SCARB2: variants seen among roughly 807,000 people sequenced by gnomAD.
SCARB2 encodes the protein lysosome membrane protein 2.
A neutral mutation model predicts 58.6 loss-of-function variants in SCARB2; 29 were observed. The ratio of observed to expected loss-of-function variants is 0.49; its 90% CI spans 0.37 to 0.67. The LOEUF is 0.67. Among genes scored for constraint, SCARB2 ranks in the 30% least tolerant of loss-of-function variants. The pLI, the probability that SCARB2 is intolerant of heterozygous loss-of-function variation, is 0.00. For synonymous variants in SCARB2, 195 were observed against 210.1 expected, an observed-to-expected ratio of 0.93 and a Z score of 0.62; for missense variants, 488 against 578.5, an observed-to-expected ratio of 0.84 and a Z score of 1.60.
At chr4:76,223,798 C>T (rs1733348927) in intron 1 of SCARB2, among the ~76,000 whole-genome samples, 1 of 152,154 alleles carries the variant, frequency 6.6e-6, no homozygotes, top group Admixed American at 6.5e-5. Flanking sequence ...TTTGGACTCT[C>T]CACTCTCCAC....
In SCARB2 at chr4:76,189,947, G is replaced by A. The variant is rs150005111; in HGVS notation, c.275+5760C>T. 6.4e-3 allele frequency among the ~76,000 whole-genome samples: 972 copies of A among 151,754 alleles called. 9 individuals are homozygous for A. The highest frequency in any genetic ancestry group is 0.022 in the African/African-American group (919 of 41,372). On this transcript the variant is annotated intron_variant, in intron 2 of 11. Coordinates refer to ENST00000264896, the MANE Select transcript of SCARB2 (RefSeq NM_005506.4). ...ATTCAAGCTGAGATTTGGCTGGTGG[G>A]GACACAACCAAACCACATCAACATA... is the stretch of plus-strand genomic sequence containing the variant.
chr4:76,218,710 A>G (rs1217235094), upstream of SCARB2, among the ~76,000 whole-genome samples: 1 of 152,238 alleles, frequency 6.6e-6, no homozygotes. Context: ...AGGAGGAGAT[A>G]TCCTATTCAC....
exon 1 of SCARB2, chr4:76,234,508 T>C (rs1447807153): frequency 6.6e-6 from 1 of 152,182 alleles, no homozygotes; most frequent in Non-Finnish European, 1.5e-5. Context: ...GAATGCTTCC[T>C]GCTTTACGGT....
At chr4:76,219,685 G>A (rs1354005498) in intron 1 of SCARB2, among the ~76,000 whole-genome samples, 1 of 152,102 alleles carries the variant, frequency 6.6e-6, no homozygotes, top group South Asian at 2.1e-4. Flanking sequence ...TCAGCCTGGA[G>A]TGGTGGGGAG....
Position 76,174,139 on chromosome 4 carries a change from C to A in SCARB2, c.994+5G>T, listed in dbSNP as rs950616504. 2 of 1,613,428 alleles carry A rather than the reference C, an allele frequency of 1.2e-6. No homozygotes were observed. The highest frequency in any genetic ancestry group is 1.7e-6 in the Non-Finnish European group (2 of 1,180,022). Reference sequence around the variant, plus strand: ...CCCTATCATGTCCCCTCTCTGAGTTCTTACCATTCTTGCAGATGCTGACAT... The same window carrying A: ...CCCTATCATGTCCCCTCTCTGAGTTATTACCATTCTTGCAGATGCTGACAT... On this transcript the variant is annotated splice_donor_5th_base_variant and intron_variant, in intron 7 of 11. Transcript: ENST00000264896.
In SCARB2 at chr4:76,176,069, A is replaced by G. The variant is rs1402458019; in HGVS notation, c.705-159T>C. Reference sequence around the variant, plus strand: ...TTTTAATTAGATCAAGGGGGAGAAAAAGTAGGTCCCTGGCCCAAATCAGCT... The same window carrying G: ...TTTTAATTAGATCAAGGGGGAGAAAGAGTAGGTCCCTGGCCCAAATCAGCT... On this transcript the variant is annotated intron_variant, in intron 5 of 11. Transcript: ENST00000264896. The G allele has an allele frequency of 6.5e-5, 59 of 904,518 alleles. No individual in the cohort carries two copies. In the Admixed American group the frequency reaches 1.5e-3, roughly 23 times the overall value. 56.0% of individuals were successfully genotyped at this position (904,518 alleles called of 1,614,324 possible).
Position 76,227,588 on chromosome 4 carries a change from C to T in SCARB2, c.-358+6715G>A, listed in dbSNP as rs192114102. ...AGTCCATTGTTTCTTTGTTGACTTT[C>T]TGTCTTGATGATCTGTCTAATGCAG... On this transcript the variant is annotated intron_variant, in intron 1 of 11. Transcript: ENST00000638295. Among the ~76,000 whole-genome samples, 58 of 152,220 alleles carry T rather than the reference C, an allele frequency of 3.8e-4. No homozygotes were observed. The East Asian group carries it at 0.01, about 27-fold the overall frequency.
intron 1 of SCARB2, among the ~76,000 whole-genome samples, chr4:76,221,699 A>C (rs7659478): frequency 0.051 from 7,711 of 152,300 alleles, 638 homozygotes; most frequent in African/African-American, 0.17. Context: ...CTAAAGAGCT[A>C]AGCATCAAAC....
Position 76,161,508 on chromosome 4 carries a change from G to C in SCARB2, c.*205C>G. 1.6e-6 allele frequency: 1 copy of C among 609,196 alleles called. No homozygotes were observed. Among genetic ancestry groups the C allele is most frequent in the East Asian group, 2.8e-5 (1 of 35,982 alleles). The allele number at this position is 609,196 out of a possible 1,614,324, so 37.7% of individuals were successfully genotyped here. ...AGACACATAAAAGAACAATTTCAGA[G>C]CCCACATGATTTTATAAAGCTTAAT... On this transcript the variant is annotated 3_prime_UTR_variant, in exon 12 of 12. Coordinates refer to ENST00000264896, the MANE Select transcript of SCARB2 (RefSeq NM_005506.4).
intron 1 of SCARB2, among the ~76,000 whole-genome samples, chr4:76,206,481 T>C (rs1316380830): frequency 6.6e-6 from 1 of 152,046 alleles, no homozygotes; most frequent in South Asian, 2.1e-4. Flanking sequence ...AAATCATTCA[T>C]GAGACAAACA....
intron 3 of SCARB2, 135 bp downstream of exon 3, chr4:76,180,815 AAAAG>A: frequency 1.6e-6 from 1 of 614,934 alleles, no homozygotes; most frequent in East Asian, 3.0e-5. Flanking sequence ...TAAAGAAAAG[AAAAG>A]AAGTATTTTT....
intron 1 of SCARB2, among the ~76,000 whole-genome samples, chr4:76,225,718 T>C (rs55777203): frequency 0.64 from 97,507 of 151,614 alleles, 33,356 homozygotes; most frequent in Non-Finnish European, 0.78. Flanking sequence ...AAACCACCCC[T>C]GTATCCCTGG....
rs377180838 is a variant in SCARB2, at chr4:76,195,687, A to G, written c.275+20T>C. The G allele has an allele frequency of 9.7e-5, 156 of 1,611,486 alleles. 1 individual carries two copies. Among genetic ancestry groups the G allele is most frequent in the Middle Eastern group, 5.1e-4 (3 of 5,886 alleles). ...GGTCACTCTGTATTTCTTTCAAGAC[A>G]GGAGGTGGTCAAGACTTACCTGTAG... is the stretch of plus-strand genomic sequence containing the variant. On this transcript the variant is annotated intron_variant, in intron 2 of 11. Transcript: ENST00000264896.
At chr4:76,202,286 G>A (rs989538709) in intron 1 of SCARB2, among the ~76,000 whole-genome samples, 10 of 151,820 alleles carry the variant, frequency 6.6e-5, no homozygotes, top group African/African-American at 2.4e-4. Context: ...TTTTTGAGAG[G>A]GAGTCTCATT....
chr4:76,218,866 A>C (rs1469170438), intron 1 of SCARB2, among the ~76,000 whole-genome samples: 1 of 152,218 alleles, frequency 6.6e-6, no homozygotes, highest in Non-Finnish European at 1.5e-5. Context: ...ATTATCTGCT[A>C]CTTGTACATA....
chr4:76,230,925 C>T (rs1007582863), intron 1 of SCARB2, among the ~76,000 whole-genome samples: 3 of 152,214 alleles, frequency 2.0e-5, no homozygotes, highest in South Asian at 2.1e-4. Context: ...GAATCAGCCA[C>T]GATCACCTGT....
At chr4:76,229,748 T>A (rs1733461593) in intron 1 of SCARB2, among the ~76,000 whole-genome samples, 1 of 152,000 alleles carries the variant, frequency 6.6e-6, no homozygotes, top group Non-Finnish European at 1.5e-5. Flanking sequence ...ATCAGGGGAG[T>A]GAAGTAGACT....
At chr4:76,203,984 A>G (rs1273224255) in intron 1 of SCARB2, among the ~76,000 whole-genome samples, 3 of 152,228 alleles carry the variant, frequency 2.0e-5, no homozygotes, top group African/African-American at 4.8e-5. Context: ...GTGCTACTTC[A>G]TAATTAAACA....
intron 2 of SCARB2, among the ~76,000 whole-genome samples, chr4:76,188,490 GTTAGGCCC>G (rs3971713): frequency 0.11 from 16,121 of 152,198 alleles, 1,039 homozygotes; most frequent in East Asian, 0.21. Flanking sequence ...TGTCAGATGA[GTTAGGCCC>G]TCCACAGTCT....
Sources: allele counts gnomAD v4.1 joint callset (sites outside exome capture counted in the v4.1 genomes callset), GRCh38; gene constraint gnomAD v4.1.1; transcripts MANE v1.5; gene names NCBI Gene and HGNC (gene_info 2026-07-23, HGNC 2026-07-21).